CENPP: variants seen among roughly 807,000 people sequenced by gnomAD.
The protein encoded by CENPP is centromere protein P.
CENPP carries 24 observed loss-of-function variants against 35.6 expected under a neutral mutation model. The observed-to-expected ratio is 0.67, with a 90% CI of 0.49 to 0.95. The LOEUF (loss-of-function observed/expected upper bound fraction) is 0.95. Among genes scored for constraint, CENPP ranks in the 40% least tolerant of loss-of-function variants. CENPP has a pLI of 0.00. For missense variants in CENPP, 332 were observed against 345.3 expected (o/e 0.96, Z 0.31); for synonymous variants, 120 against 125.5 (o/e 0.96, Z 0.29).
intron 5 of CENPP, among the ~76,000 whole-genome samples, chr9:92,601,124 G>A (rs1012227874): frequency 6.6e-6 from 1 of 152,186 alleles, no homozygotes; most frequent in African/African-American, 2.4e-5. Context: ...GTTTACAGGA[G>A]GCAATTCAGC....
chr9:92,354,742 G>A (rs944103936), intron 4 of CENPP, among the ~76,000 whole-genome samples: 3 of 152,152 alleles, frequency 2.0e-5, no homozygotes, highest in Admixed American at 6.5e-5. Context: ...CCTATTGGGG[G>A]AACCCACCCC....
At chr9:92,378,769 C>A (rs1227610701) in intron 4 of CENPP, among the ~76,000 whole-genome samples, 1 of 152,158 alleles carries the variant, frequency 6.6e-6, no homozygotes, top group African/African-American at 2.4e-5. Context: ...AAGACTCATT[C>A]CTGTGAGAGT....
chr9:92,521,233 CT>C (rs924475436), intron 5 of CENPP, among the ~76,000 whole-genome samples: 9 of 152,048 alleles, frequency 5.9e-5, no homozygotes, highest in African/African-American at 1.9e-4. Context: ...CATATAAAAA[CT>C]TTTTTTTAAA....
intron 5 of CENPP, among the ~76,000 whole-genome samples, chr9:92,556,859 G>A (rs1306867264): frequency 2.6e-5 from 4 of 152,154 alleles, no homozygotes; most frequent in African/African-American, 7.2e-5. Context: ...TTTGTTGCCT[G>A]TGTACTTTGT....
rs372854206 is a variant in CENPP, at chr9:92,437,406, T to G, written c.564+57547T>G. On this transcript the variant is annotated intron_variant, in intron 5 of 7. Transcript: ENST00000375587. ...GATTAGTCTTTTTCTTTTGTCTTTTTTTTTGTTTTGTTTTTTTTTTTTGGA... is the reference window on the plus strand; with the variant it reads ...GATTAGTCTTTTTCTTTTGTCTTTTGTTTTGTTTTGTTTTTTTTTTTTGGA... 3.3e-4 allele frequency among the ~76,000 whole-genome samples: 50 copies of G among 151,840 alleles called. 1 individual carries two copies. In the Middle Eastern group the frequency reaches 0.01, roughly 31 times the overall value.
At chr9:92,531,816 G>A (rs1848771785) in intron 5 of CENPP, among the ~76,000 whole-genome samples, 1 of 151,922 alleles carries the variant, frequency 6.6e-6, no homozygotes, top group Non-Finnish European at 1.5e-5. Flanking sequence ...CTTTTGTGCA[G>A]ATGTGTTGAT....
intron 5 of CENPP, among the ~76,000 whole-genome samples, chr9:92,546,363 T>C (rs1056660370): frequency 6.6e-6 from 1 of 152,142 alleles, no homozygotes; most frequent in African/African-American, 2.4e-5. Context: ...GCTTTGTTCT[T>C]TTGCTCTTTG....
intron 4 of CENPP, among the ~76,000 whole-genome samples, chr9:92,374,262 T>TGTGTGTGC (rs1564284119): frequency 1.3e-5 from 2 of 151,646 alleles, no homozygotes; most frequent in African/African-American, 4.8e-5. Flanking sequence ...TGTGTGTGTG[T>TGTGTGTGC]GTGTGTGTGT....
At chr9:92,576,290 TTAGAG>T (rs1228830161) in intron 5 of CENPP, among the ~76,000 whole-genome samples, 2 of 152,186 alleles carry the variant, frequency 1.3e-5, no homozygotes, top group Non-Finnish European at 2.9e-5. Flanking sequence ...CATGAGGTAC[TTAGAG>T]TAGTCTAAAT....
At position 92,515,125 on chromosome 9, in the gene CENPP, G is replaced by C. The variant is rs149769253; in HGVS notation, c.565-96189G>C. The C allele has an allele frequency of 8.7e-6, 14 of 1,613,246 alleles. No homozygotes were observed. The highest frequency in any genetic ancestry group is 2.2e-5 in the South Asian group (2 of 90,788). On this transcript the variant is annotated intron_variant, in intron 5 of 7. Coordinates refer to ENST00000375587, the MANE Select transcript of CENPP (RefSeq NM_001012267.3). ...CAGTTGCTTATGAAGTAAATTGGTA[G>C]GTTCTCTTTGTTCTGAAGAATCACC... is the stretch of plus-strand genomic sequence containing the variant.
intron 5 of CENPP, among the ~76,000 whole-genome samples, chr9:92,461,388 C>T (rs1035109268): frequency 1.3e-5 from 2 of 152,124 alleles, no homozygotes; most frequent in African/African-American, 2.4e-5. Flanking sequence ...TTGATTTGTT[C>T]AAGTTAGGAT....
intron 2 of CENPP, 81 bp downstream of exon 2, chr9:92,332,432 T>A: frequency 1.1e-6 from 1 of 934,792 alleles, no homozygotes; most frequent in Non-Finnish European, 1.5e-6. Flanking sequence ...TAATATTGAA[T>A]TAAAATTCTA....
intron 5 of CENPP, among the ~76,000 whole-genome samples, chr9:92,507,806 C>T (rs1340409140): frequency 6.6e-6 from 1 of 152,192 alleles, no homozygotes; most frequent in Non-Finnish European, 1.5e-5. Flanking sequence ...GTAAGTCCTT[C>T]CCTTTCTCCA....
chr9:92,548,640 A>G (rs1387440270), intron 5 of CENPP, among the ~76,000 whole-genome samples: 1 of 152,260 alleles, frequency 6.6e-6, no homozygotes, highest in Non-Finnish European at 1.5e-5. Flanking sequence ...AATATCAAGT[A>G]TATTTAAAAT....
intron 5 of CENPP, chr9:92,523,038 G>T: frequency 1.2e-6 from 1 of 809,094 alleles, no homozygotes; most frequent in Non-Finnish European, 1.8e-6. Flanking sequence ...TAGTATTATT[G>T]CCAAATCATA....
At position 92,457,393 on chromosome 9, in the gene CENPP, T is replaced by G. The variant is rs1844916295; in HGVS notation, c.564+77534T>G. ...TCACCGGGTTGTTGAATAAACTTAT[T>G]GCACTGTATAAAGATTTCTTCATCT... On this transcript the variant is annotated intron_variant, in intron 5 of 7. Transcript: ENST00000375587. The G allele has an allele frequency of 3.1e-6, 5 of 1,613,710 alleles. No homozygotes were observed. In the Admixed American group the frequency reaches 5.0e-5, roughly 16 times the overall value.
At chr9:92,468,346 C>G (rs1434173898) in intron 5 of CENPP, among the ~76,000 whole-genome samples, 1 of 152,222 alleles carries the variant, frequency 6.6e-6, no homozygotes, top group African/African-American at 2.4e-5. Context: ...AAACTGCACT[C>G]TCAGTGCTGG....
At chr9:92,358,042 C>G (rs1342801428) in intron 4 of CENPP, among the ~76,000 whole-genome samples, 3 of 152,166 alleles carry the variant, frequency 2.0e-5, no homozygotes, top group African/African-American at 7.2e-5. Context: ...TAATGTTTCT[C>G]TATGTGGATC....
chr9:92,370,627 C>T (rs1033065853), intron 4 of CENPP, among the ~76,000 whole-genome samples: 5 of 151,960 alleles, frequency 3.3e-5, no homozygotes, highest in Admixed American at 6.6e-5. Flanking sequence ...AACACAGTGG[C>T]GCATCACCAT....
Sources: allele counts gnomAD v4.1 joint callset (sites outside exome capture counted in the v4.1 genomes callset), GRCh38; gene constraint gnomAD v4.1.1; transcripts MANE v1.5; gene names NCBI Gene and HGNC (gene_info 2026-07-23, HGNC 2026-07-21).